UFL1: variants seen among roughly 807,000 people sequenced by gnomAD.
UFL1 encodes UFM1 specific ligase 1, also known as E3 UFM1-protein ligase 1.
Under a neutral mutation model 99.3 loss-of-function variants are expected in UFL1, and 78 were observed. The observed-to-expected ratio is 0.79, with a 90% CI of 0.65 to 0.95. UFL1 has a LOEUF of 0.95. Among genes scored for constraint, UFL1 ranks in the 40% least tolerant of loss-of-function variants. UFL1 has a pLI of 0.00. For missense variants in UFL1, 936 were observed against 937.0 expected (o/e 1.00, Z 0.01); for synonymous variants, 335 against 322.2 (o/e 1.04, Z -0.42).
intron 17 of UFL1, 100 bp from the exon 18 acceptor site, chr6:96,552,382 A>G: frequency 7.6e-7 from 1 of 1,308,316 alleles, no homozygotes. Context: ...GGAATTAGAT[A>G]AACTAGAGAA....
At chr6:96,522,990 C>A in intron 1 of UFL1, 156 bp from the exon 2 acceptor site, 3 of 577,230 alleles carry the variant, frequency 5.2e-6, no homozygotes, top group South Asian at 3.9e-5. Context: ...TTTTTTTTAA[C>A]TTATTGAATC....
At chr6:96,533,382 A>C (rs1396877684) in intron 6 of UFL1, among the ~76,000 whole-genome samples, 1 of 152,096 alleles carries the variant, frequency 6.6e-6, no homozygotes, top group Non-Finnish European at 1.5e-5. Context: ...GTATATAAAC[A>C]AAATGTGGTA....
Position 96,553,363 on chromosome 6 carries a change from G to A in UFL1, c.2245G>A (p.Gly749Arg), listed in dbSNP as rs749909277. 4 of 1,613,776 alleles carry A rather than the reference G, an allele frequency of 2.5e-6. No homozygotes were observed. In the East Asian group the frequency reaches 6.7e-5, roughly 27 times the overall value. ...CAGTCAAAGTAAGAAGACTGGGCAG[G>A]GAGATTATCCCTTGAATAATGAATT... ...LVSQSKKTGQ[G>R]DYPLNNELDK... The change falls in exon 19 of 19, where the codon GGA becomes AGA. Residue 749 changes from glycine to arginine, a missense_variant. By Grantham distance (125) the Gly-to-Arg change is moderately radical (BLOSUM62 -2). Transcript: ENST00000369278.
intron 6 of UFL1, among the ~76,000 whole-genome samples, chr6:96,532,014 T>C (rs1769789686): frequency 6.6e-6 from 1 of 152,226 alleles, no homozygotes; most frequent in South Asian, 2.1e-4. Context: ...AAAAAGTTTA[T>C]ATTTTTTGTT....
At chr6:96,528,286 A>G (rs1769730501) in intron 5 of UFL1, among the ~76,000 whole-genome samples, 1 of 152,140 alleles carries the variant, frequency 6.6e-6, no homozygotes, top group Non-Finnish European at 1.5e-5. Flanking sequence ...TAAGCAAGCA[A>G]TTTGACTCAT....
intron 6 of UFL1, among the ~76,000 whole-genome samples, chr6:96,532,226 G>C (rs1769792726): frequency 6.6e-6 from 1 of 152,118 alleles, no homozygotes; most frequent in Admixed American, 6.5e-5. Context: ...AATAAGCTAG[G>C]TACCTAGACA....
At chr6:96,545,265 A>C (rs1769983999) in intron 12 of UFL1, among the ~76,000 whole-genome samples, 1 of 151,108 alleles carries the variant, frequency 6.6e-6, no homozygotes, top group African/African-American at 2.4e-5. Flanking sequence ...TTAAGCTAGA[A>C]ATAATCACTT....
chr6:96,522,015 GGGACTTTAGACCCGC>G (rs1769619299), intron 1 of UFL1, 65 bp downstream of exon 1: 1 of 1,535,894 alleles, frequency 6.5e-7, no homozygotes, highest in African/African-American at 1.4e-5. Flanking sequence ...GCCTGTATCT[GGGACTTTAGACCCGC>G]GGCCCTGCAT....
chr6:96,526,280 C>A, intron 4 of UFL1, 41 bp from the exon 5 acceptor site: 1 of 1,506,108 alleles, frequency 6.6e-7, no homozygotes, highest in Non-Finnish European at 9.1e-7. Flanking sequence ...AAAAAACATT[C>A]CTAATTCTTT....
At position 96,553,597 on chromosome 6, in the gene UFL1, T is replaced by A. The variant is rs1770113403; in HGVS notation, c.*94T>A. On this transcript the variant is annotated 3_prime_UTR_variant, in exon 19 of 19. Coordinates refer to ENST00000369278, the MANE Select transcript of UFL1 (RefSeq NM_015323.5). ...AAGTAGTCACTATACAACTCCCCTCTCCCTGCAAAAACCACCTCATACACA... is the reference window on the plus strand; with the variant it reads ...AAGTAGTCACTATACAACTCCCCTCACCCTGCAAAAACCACCTCATACACA... 1 of 1,020,546 alleles carries A rather than the reference T, an allele frequency of 9.8e-7. No homozygotes were observed. Among genetic ancestry groups the A allele is most frequent in the East Asian group, 2.6e-5 (1 of 38,868 alleles). The allele number at this position is 1,020,546 out of a possible 1,614,324, so 63.2% of individuals were successfully genotyped here.
intron 6 of UFL1, among the ~76,000 whole-genome samples, chr6:96,532,116 G>A (rs1027894688): frequency 6.6e-6 from 1 of 152,138 alleles, no homozygotes; most frequent in African/African-American, 2.4e-5. Context: ...TACTAAATAC[G>A]TTGTATTCCA....
At position 96,551,841 on chromosome 6, in the gene UFL1, A is replaced by T. The variant is rs1452527126; in HGVS notation, c.1903A>T (p.Ile635Leu). 1.2e-5 allele frequency: 19 copies of T among 1,600,282 alleles called. No individual in the cohort carries two copies. Among genetic ancestry groups the T allele is most frequent in the Non-Finnish European group, 1.6e-5 (19 of 1,171,248 alleles). The change falls in exon 17 of 19, where the codon ATA becomes TTA. Residue 635 changes from isoleucine to leucine, a missense_variant. Ile to Leu is a conservative substitution (Grantham distance 5, BLOSUM62 2). Coordinates refer to ENST00000369278, the MANE Select transcript of UFL1 (RefSeq NM_015323.5). The part of the protein sequence containing the change: ...KLHNSLNEKS[I>L]EDFISCLDSA... ...ATGGTATTCAATGCCTTTTCAGAGC[A>T]TAGAAGACTTTATTTCTTGTCTGGA...
intron 6 of UFL1, among the ~76,000 whole-genome samples, chr6:96,532,820 T>C (rs997723396): frequency 2.0e-5 from 3 of 152,186 alleles, no homozygotes; most frequent in Non-Finnish European, 2.9e-5. Flanking sequence ...TCTTCTGTTA[T>C]AGCAACACTA....
chr6:96,528,986 T>C (rs552635233), intron 6 of UFL1, among the ~76,000 whole-genome samples: 8 of 152,324 alleles, frequency 5.3e-5, no homozygotes, highest in African/African-American at 1.9e-4. Context: ...ATTTGGTTCA[T>C]AGCTTTATCA....
intron 5 of UFL1, among the ~76,000 whole-genome samples, chr6:96,528,265 C>G (rs1029521645): frequency 6.6e-6 from 1 of 152,108 alleles, no homozygotes; most frequent in Non-Finnish European, 1.5e-5. Context: ...ACAGCTCAAC[C>G]TTTTAACATG....
intron 6 of UFL1, among the ~76,000 whole-genome samples, chr6:96,532,837 C>T (rs1769801062): frequency 6.6e-6 from 1 of 152,174 alleles, no homozygotes. Flanking sequence ...ACTAAACTGA[C>T]TAAAGCCCCT....
At chr6:96,543,191 A>G (rs557374297) in intron 12 of UFL1, among the ~76,000 whole-genome samples, 175 bp downstream of exon 12, 60 of 151,362 alleles carry the variant, frequency 4.0e-4, no homozygotes, top group Non-Finnish European at 6.2e-4. Flanking sequence ...TCCAGTAACA[A>G]CACTGTTTAT....
Position 96,540,651 on chromosome 6 carries a change from A to G in UFL1, c.1275A>G (p.Ala425=). The G allele has an allele frequency of 6.3e-7, 1 of 1,594,216 alleles. No individual in the cohort carries two copies. Among genetic ancestry groups the G allele is most frequent in the Non-Finnish European group, 8.5e-7 (1 of 1,173,036 alleles). ...KDKKDERRRK[A]TEGSGSMRGG... ...AAAAAGATGAGCGAAGAAGGAAAGC[A>G]ACAGGTAATAAATTGTTAACAAGGA... Residue 425 remains alanine (A), a synonymous_variant, in exon 11 of 19, where the codon GCA becomes GCG. Transcript: ENST00000369278.
At position 96,523,183 on chromosome 6, in the gene UFL1, T is replaced by A. The variant is rs781003377; in HGVS notation, c.115T>A (p.Leu39Met). The A allele has an allele frequency of 1.2e-6, 2 of 1,612,690 alleles. No homozygotes were observed. Among genetic ancestry groups the A allele is most frequent in the African/African-American group, 2.7e-5 (2 of 74,888 alleles). The change falls in exon 2 of 19, where the codon TTG (leucine) becomes ATG (methionine). Residue 39 changes from leucine (L) to methionine (M), a missense_variant. Transcript: ENST00000369278. ...GAACTGCATTGAGATTGTTAATAAA[T>A]TGATTGCTCAGAAACAGCTAGAAGT... ...ERNCIEIVNK[L>M]IAQKQLEVVH...
Sources: gnomAD v4.1 joint callset for allele counts (sites outside exome capture counted in the v4.1 genomes callset) on GRCh38, gnomAD v4.1.1 for gene constraint, MANE v1.5 for transcripts, NCBI Gene and HGNC (gene_info 2026-07-23, HGNC 2026-07-21) for gene names.